The following NTM variants were observed in gnomAD, a reference collection of about 807,000 sequenced individuals.
NTM encodes the protein neurotrimin, also known as IgLON family member 2.
In NTM, 13 loss-of-function variants were observed where a neutral mutation model predicts 42.1. The ratio of observed to expected loss-of-function variants is 0.31; its 90% CI spans 0.20 to 0.49. The LOEUF (loss-of-function observed/expected upper bound fraction) is 0.49, where lower values mean the gene tolerates loss of function less well. NTM is among the 20% of genes least tolerant of loss of function. NTM has a pLI of 0.99. For synonymous variants in NTM, 187 were observed against 179.2 expected, an observed-to-expected ratio of 1.04 and a Z score of -0.35; for missense variants, 373 against 452.8, an observed-to-expected ratio of 0.82 and a Z score of 1.60.
intron 2 of NTM, among the ~76,000 whole-genome samples, chr11:132,103,652 C>T (rs1362310290): frequency 2.0e-5 from 3 of 152,194 alleles, no homozygotes; most frequent in Non-Finnish European, 4.4e-5. Context: ...TCTGCAGCTT[C>T]TGCATGTAGA....
intron 4 of NTM, among the ~76,000 whole-genome samples, chr11:132,272,195 G>C (rs1224228367): frequency 6.6e-6 from 1 of 151,972 alleles, no homozygotes; most frequent in Non-Finnish European, 1.5e-5. Flanking sequence ...CTGTGGGGTG[G>C]GAGTGTTGCT....
chr11:131,635,335 C>G (rs1052025821), intron 1 of NTM, among the ~76,000 whole-genome samples: 9 of 152,052 alleles, frequency 5.9e-5, no homozygotes, highest in African/African-American at 2.2e-4. Flanking sequence ...TGGGATGAGA[C>G]GTGGAGGAGG....
At chr11:131,500,577 A>ATTT (rs71475759) in intron 1 of NTM, among the ~76,000 whole-genome samples, 3 of 76,214 alleles carry the variant, frequency 3.9e-5, no homozygotes, top group Non-Finnish European at 6.7e-5. Flanking sequence ...ATATATATAT[A>ATTT]TTTTTTTTTT....
In NTM at chr11:131,878,585, AAAAAAAAAAATATATATATATATATAT is replaced by A. The variant is rs1362828134; in HGVS notation, c.83-32977_83-32951del. Among the ~76,000 whole-genome samples the A allele has an allele frequency of 9.6e-4, 51 of 52,908 alleles. 6 individuals are homozygous for A. In the East Asian group the frequency reaches 0.022, roughly 23 times the overall value. 34.7% of individuals were successfully genotyped at this position (52,908 alleles called of 152,430 possible). A position where few individuals can be genotyped will look rare whatever the true frequency, so the allele number is the denominator to read the frequency against. On this transcript the variant is annotated intron_variant, in intron 1 of 8. Coordinates refer to ENST00000683400, the MANE Select transcript of NTM (RefSeq NM_001352005.2). ...ACTCCATCTCAAAAAAAAAAAAAAA[AAAAAAAAAAATATATATATATATATAT>A]ATATATATATATATATATATATATA... is the stretch of plus-strand genomic sequence containing the variant.
intron 1 of NTM, among the ~76,000 whole-genome samples, chr11:131,872,141 C>T (rs1476252283): frequency 6.6e-6 from 1 of 152,168 alleles, no homozygotes; most frequent in African/African-American, 2.4e-5. Flanking sequence ...ATTCCAGCCA[C>T]CCTCAATCAA....
At chr11:132,197,884 C>A (rs1057113884) in intron 3 of NTM, among the ~76,000 whole-genome samples, 1 of 152,038 alleles carries the variant, frequency 6.6e-6, no homozygotes, top group Non-Finnish European at 1.5e-5. Context: ...ACATTTTCTT[C>A]ATCCAGTCTA....
At chr11:131,987,011 G>A (rs1318544270) in intron 2 of NTM, among the ~76,000 whole-genome samples, 1 of 152,170 alleles carries the variant, frequency 6.6e-6, no homozygotes, top group Non-Finnish European at 1.5e-5. Context: ...GGGAGAAATG[G>A]TTGTTGTTGA....
intron 1 of NTM, among the ~76,000 whole-genome samples, chr11:131,620,779 G>T (rs2137648233): frequency 6.6e-6 from 1 of 152,320 alleles, no homozygotes; most frequent in East Asian, 1.9e-4. Flanking sequence ...TGGGATTGTA[G>T]ATCACATATC....
intron 1 of NTM, among the ~76,000 whole-genome samples, chr11:131,784,861 G>A (rs2088854223): frequency 6.6e-6 from 1 of 151,868 alleles, no homozygotes; most frequent in African/African-American, 2.4e-5. Flanking sequence ...CCAAATACCT[G>A]TATTAATATT....
At chr11:132,333,995 A>T (rs548235380) in intron 8 of NTM, among the ~76,000 whole-genome samples, 2 of 152,314 alleles carry the variant, frequency 1.3e-5, no homozygotes, top group African/African-American at 4.8e-5. Context: ...TCCCTAATCC[A>T]GGAAGACATG....
intron 2 of NTM, among the ~76,000 whole-genome samples, chr11:132,080,688 G>C (rs1434699701): frequency 2.6e-5 from 4 of 152,166 alleles, no homozygotes; most frequent in African/African-American, 9.7e-5. Context: ...AGTCCCTGCA[G>C]GTTCTTACTT....
intron 1 of NTM, among the ~76,000 whole-genome samples, chr11:131,644,258 GTATC>G (rs2065495780): frequency 6.6e-6 from 1 of 152,158 alleles, no homozygotes; most frequent in Non-Finnish European, 1.5e-5. Flanking sequence ...ATTAGACTGA[GTATC>G]TATTTACCTA....
intron 3 of NTM, among the ~76,000 whole-genome samples, chr11:132,180,523 C>T (rs2077412120): frequency 6.6e-6 from 1 of 152,122 alleles, no homozygotes. Flanking sequence ...CTCTGGTCTT[C>T]CCTCAAGTCT....
At chr11:132,113,211 G>T (rs527755484) in intron 2 of NTM, among the ~76,000 whole-genome samples, 2 of 152,310 alleles carry the variant, frequency 1.3e-5, no homozygotes, top group East Asian at 3.9e-4. Flanking sequence ...TGCAGCCCGT[G>T]CCCAGTCTCA....
intron 1 of NTM, among the ~76,000 whole-genome samples, chr11:131,504,321 C>G (rs879617049): frequency 9.9e-5 from 15 of 152,164 alleles, no homozygotes; most frequent in Admixed American, 2.6e-4. Flanking sequence ...ACATAAACAC[C>G]TCTCCTCTGT....
intron 1 of NTM, among the ~76,000 whole-genome samples, chr11:131,860,410 C>A (rs2046513975): frequency 6.6e-6 from 1 of 152,170 alleles, no homozygotes; most frequent in Admixed American, 6.5e-5. Context: ...TCCCACAGAG[C>A]CCACTGTCCC....
chr11:132,279,407 C>T (rs557771581), intron 4 of NTM, among the ~76,000 whole-genome samples: 7 of 152,154 alleles, frequency 4.6e-5, no homozygotes, highest in African/African-American at 1.2e-4. Flanking sequence ...ATGTGACTCT[C>T]GCTCCAATCT....
intron 3 of NTM, among the ~76,000 whole-genome samples, chr11:132,189,128 A>G (rs573703906): frequency 6.6e-6 from 1 of 152,292 alleles, no homozygotes; most frequent in South Asian, 2.1e-4. Context: ...TGGATGATAG[A>G]AAGGAAGAGA....
At chr11:131,713,122 CATT>C (rs930153844) in intron 1 of NTM, among the ~76,000 whole-genome samples, 1 of 151,930 alleles carries the variant, frequency 6.6e-6, no homozygotes, top group Non-Finnish European at 1.5e-5. Context: ...TTTAGTCTCT[CATT>C]GTAGGAAAAA....
Sources: gnomAD v4.1 joint callset for allele counts (sites outside exome capture counted in the v4.1 genomes callset) on GRCh38, gnomAD v4.1.1 for gene constraint, MANE v1.5 for transcripts, NCBI Gene and HGNC (gene_info 2026-07-23, HGNC 2026-07-21) for gene names.